The following ZMAT4 variants were observed in gnomAD, a reference collection of about 807,000 sequenced individuals.
The protein encoded by ZMAT4 is zinc finger matrin-type 4.
ZMAT4 carries 17 observed loss-of-function variants against 28.7 expected under a neutral mutation model. The observed-to-expected ratio is 0.59, with a 90% CI of 0.41 to 0.89. ZMAT4 has a LOEUF of 0.89. Ranked by LOEUF, ZMAT4 falls within the 40% of genes least tolerant of loss-of-function variation. The pLI is 0.00. For synonymous variants in ZMAT4, 117 were observed against 109.2 expected (o/e 1.07, Z -0.44); for missense variants, 240 against 283.8 (o/e 0.85, Z 1.11).
At chr8:40,835,437 C>T (rs1366347306) in intron 1 of ZMAT4, among the ~76,000 whole-genome samples, 2 of 152,252 alleles carry the variant, frequency 1.3e-5, no homozygotes, top group Admixed American at 6.5e-5. Context: ...TGGGTCCCCC[C>T]ACTTTGCTAT....
At chr8:40,547,563 ATGAATGG>A (rs141406632) in intron 6 of ZMAT4, among the ~76,000 whole-genome samples, 22,879 of 152,044 alleles carry the variant, frequency 0.15, 1,922 homozygotes, top group African/African-American at 0.22. Flanking sequence ...CCCTTTACAC[ATGAATGG>A]GAATGTTAAT....
At chr8:40,833,588 A>G (rs1190472977) in intron 1 of ZMAT4, among the ~76,000 whole-genome samples, 1 of 150,634 alleles carries the variant, frequency 6.6e-6, no homozygotes, top group Non-Finnish European at 1.5e-5. Context: ...CTTCCATAAA[A>G]TCATGCCAGA....
chr8:40,657,119 C>T (rs1397143926), intron 5 of ZMAT4, among the ~76,000 whole-genome samples: 1 of 152,184 alleles, frequency 6.6e-6, no homozygotes, highest in Non-Finnish European at 1.5e-5. Context: ...CAACTTCTAC[C>T]TCCCAGGCTC....
intron 2 of ZMAT4, among the ~76,000 whole-genome samples, chr8:40,794,480 T>TA (rs1814498940): frequency 6.6e-6 from 1 of 152,192 alleles, no homozygotes; most frequent in Admixed American, 6.5e-5. Context: ...CTCTACAGAA[T>TA]AGCCCACAGT....
chr8:40,685,731 C>A (rs907483825), intron 4 of ZMAT4, among the ~76,000 whole-genome samples: 2 of 152,024 alleles, frequency 1.3e-5, no homozygotes, highest in Non-Finnish European at 2.9e-5. Flanking sequence ...ATTAAAGAAG[C>A]CCATCTCAGG....
chr8:40,558,280 G>C (rs919496), intron 6 of ZMAT4, among the ~76,000 whole-genome samples: 96,293 of 151,954 alleles, frequency 0.63, 34,342 homozygotes, highest in East Asian at 0.85. Flanking sequence ...GCCAGCGGAG[G>C]GGACTATGAT....
intron 6 of ZMAT4, among the ~76,000 whole-genome samples, chr8:40,580,254 C>G (rs995152998): frequency 2.4e-4 from 36 of 151,944 alleles, no homozygotes; most frequent in African/African-American, 8.0e-4. Flanking sequence ...CCTCCTGATC[C>G]GCCCACCTCA....
At position 40,859,097 on chromosome 8, in the gene ZMAT4, G is replaced by A. The variant is rs538823841; in HGVS notation, c.-4-33417C>T. 6.6e-5 allele frequency among the ~76,000 whole-genome samples: 10 copies of A among 152,294 alleles called. No individual in the cohort carries two copies. The South Asian group carries it at 8.3e-4, about 13-fold the overall frequency. ...CCCCAGCTGGACCAGGGCTGCTGGC[G>A]CCTGCCTTTCCGGTCCTGACCTCAG... is the stretch of plus-strand genomic sequence containing the variant. On this transcript the variant is annotated intron_variant, in intron 1 of 6. Transcript: ENST00000297737.
Position 40,697,710 on chromosome 8 carries a change from G to GC in ZMAT4, c.193-310dup, listed in dbSNP as rs1375888349. 1.6e-3 allele frequency among the ~76,000 whole-genome samples: 126 copies of GC among 76,970 alleles called. 1 individual carries two copies. Among genetic ancestry groups the GC allele is most frequent in the African/African-American group, 5.7e-3 (114 of 19,940 alleles). 50.5% of individuals were successfully genotyped at this position (76,970 alleles called of 152,430 possible). A position where few individuals can be genotyped will look rare whatever the true frequency, so the allele number is the denominator to read the frequency against. On this transcript the variant is annotated intron_variant, in intron 3 of 6. Coordinates refer to ENST00000297737, the MANE Select transcript of ZMAT4 (RefSeq NM_024645.3). The stretch of plus-strand genomic sequence containing the variant: ...TTCTCCTAATGCTATCCCTCCCCTA[G>GC]CCCCCCCACCCCCTGACCGGCCCCG...
At chr8:40,831,761 C>G (rs1018833144) in intron 1 of ZMAT4, among the ~76,000 whole-genome samples, 2 of 152,228 alleles carry the variant, frequency 1.3e-5, no homozygotes, top group Admixed American at 6.5e-5. Flanking sequence ...CAAACTGCCA[C>G]TCCGTGTGAC....
At chr8:40,832,196 A>G (rs1428181761) in intron 1 of ZMAT4, among the ~76,000 whole-genome samples, 3 of 152,186 alleles carry the variant, frequency 2.0e-5, no homozygotes, top group African/African-American at 7.2e-5. Context: ...AAAGCCAAGG[A>G]CAGACATTCA....
chr8:40,554,196 T>C (rs16889572), intron 6 of ZMAT4, among the ~76,000 whole-genome samples: 1,874 of 152,264 alleles, frequency 0.012, 40 homozygotes, highest in African/African-American at 0.04. Flanking sequence ...CTTAAAGTTT[T>C]TTGTGTTTGG....
At chr8:40,565,011 T>C (rs1456537220) in intron 6 of ZMAT4, among the ~76,000 whole-genome samples, 1 of 152,214 alleles carries the variant, frequency 6.6e-6, no homozygotes. Flanking sequence ...GCTGCTCATT[T>C]GCTACCAATT....
chr8:40,550,773 C>T (rs1002526431), intron 6 of ZMAT4, among the ~76,000 whole-genome samples: 2 of 152,120 alleles, frequency 1.3e-5, no homozygotes, highest in African/African-American at 4.8e-5. Flanking sequence ...CCCAGCAATG[C>T]AGAATTATGA....
chr8:40,774,987 T>C (rs1813531893), intron 2 of ZMAT4, among the ~76,000 whole-genome samples: 1 of 152,186 alleles, frequency 6.6e-6, no homozygotes, highest in African/African-American at 2.4e-5. Flanking sequence ...AGATGAGGAA[T>C]ATATGTCCCA....
At chr8:40,813,204 C>G (rs551298304) in intron 2 of ZMAT4, among the ~76,000 whole-genome samples, 87 of 152,046 alleles carry the variant, frequency 5.7e-4, no homozygotes, top group African/African-American at 2.0e-3. Context: ...GCCCACAAAG[C>G]CATGCACACT....
intron 6 of ZMAT4, among the ~76,000 whole-genome samples, chr8:40,566,610 C>G (rs1354136301): frequency 2.0e-5 from 3 of 152,090 alleles, no homozygotes; most frequent in Admixed American, 6.6e-5. Context: ...GAAATAGAAA[C>G]CTGTATGACT....
intron 5 of ZMAT4, chr8:40,674,403 T>C: frequency 3.2e-6 from 1 of 308,862 alleles, no homozygotes; most frequent in Non-Finnish European, 6.0e-6. Context: ...TACAAAAGCA[T>C]TTGGTAAAGA....
At chr8:40,772,903 G>A (rs549365409) in intron 2 of ZMAT4, among the ~76,000 whole-genome samples, 3 of 152,242 alleles carry the variant, frequency 2.0e-5, no homozygotes, top group East Asian at 1.9e-4. Context: ...TCTAGAACAC[G>A]GGTTCCTGCA....
Sources: allele counts gnomAD v4.1 joint callset (sites outside exome capture counted in the v4.1 genomes callset), GRCh38; gene constraint gnomAD v4.1.1; transcripts MANE v1.5; gene names NCBI Gene and HGNC (gene_info 2026-07-23, HGNC 2026-07-21).